Variants in SV2B observed in about 807,000 individuals in gnomAD.
The protein encoded by SV2B is solute carrier family 22 member B2.
In SV2B, 41 loss-of-function variants were observed where a neutral mutation model predicts 73.9. The observed-to-expected ratio is 0.56, with a 90% confidence interval of 0.43 to 0.72. The LOEUF is 0.72. SV2B is among the 30% of genes least tolerant of loss of function. The pLI is 0.00. For synonymous variants in SV2B, 314 were observed against 314.2 expected (o/e 1.00, Z 0.01); for missense variants, 764 against 857.8 (o/e 0.89, Z 1.37).
At chr15:91,292,057 G>A (rs1338356133) in intron 12 of SV2B, among the ~76,000 whole-genome samples, 4 of 151,336 alleles carry the variant, frequency 2.6e-5, no homozygotes, top group African/African-American at 9.7e-5. Flanking sequence ...TCCATAGTAA[G>A]CATGTAGTAC....
rs1041121000 is a variant in SV2B, at chr15:91,283,579, G to A, written c.1508-442G>A. On this transcript the variant is annotated intron_variant, in intron 10 of 12. Transcript: ENST00000394232. This position sits in a 1 kb window ranked among gnomAD's most constrained non-coding sequence, Gnocchi z 4.3. ...GGTGCCAGAGTAGCTGGGACTACAG[G>A]CACACACCACCCCACCTAGCTAATT... 6.6e-6 allele frequency among the ~76,000 whole-genome samples: 1 copy of A among 152,042 alleles called. No homozygotes were observed. Among genetic ancestry groups the A allele is most frequent in the African/African-American group, 2.4e-5 (1 of 41,404 alleles).
Position 91,197,579 on chromosome 15 carries a change from C to CA in SV2B, c.-391-28290dup, listed in dbSNP as rs2045297685. 1.3e-5 allele frequency among the ~76,000 whole-genome samples: 2 copies of CA among 151,356 alleles called. No individual in the cohort carries two copies. The highest frequency in any genetic ancestry group is 4.9e-5 in the African/African-American group (2 of 41,116). ...CCAAACCAAACCAAACAAAACAAAA[C>CA]AAAATCACTGTAAAGACAAGAATGG... On this transcript the variant is annotated intron_variant, in intron 1 of 12. Transcript: ENST00000394232. This position sits in a 1 kb window ranked among gnomAD's most constrained non-coding sequence, Gnocchi z 4.9.
At position 91,266,696 on chromosome 15, in the gene SV2B, T is replaced by A; in HGVS notation, c.1119+4T>A. On this transcript the variant is annotated splice_donor_region_variant and intron_variant, in intron 7 of 12. Coordinates refer to ENST00000394232, the MANE Select transcript of SV2B (RefSeq NM_001323032.3). ...ATTCAAGACCATTTTCAAGCAGGTA[T>A]GATTGGGAACTTACTTTGGATGAGG... 6.2e-7 allele frequency: 1 copy of A among 1,610,364 alleles called. No individual in the cohort carries two copies. The highest frequency in any genetic ancestry group is 8.5e-7 in the Non-Finnish European group (1 of 1,177,526).
At chr15:91,144,372 T>C (rs893004322) in intron 1 of SV2B, among the ~76,000 whole-genome samples, 4 of 152,200 alleles carry the variant, frequency 2.6e-5, no homozygotes, top group African/African-American at 9.7e-5. Context: ...TTGGGTAACA[T>C]GCTGCCCAAT....
chr15:91,279,817 C>A (rs531254847), intron 9 of SV2B, among the ~76,000 whole-genome samples: 32 of 152,220 alleles, frequency 2.1e-4, no homozygotes, highest in Non-Finnish European at 3.2e-4. Flanking sequence ...GTAAACACGT[C>A]TAGCTTATAC....
chr15:91,235,102 T>C (rs371788713), intron 2 of SV2B, among the ~76,000 whole-genome samples: 4 of 152,188 alleles, frequency 2.6e-5, no homozygotes, highest in South Asian at 2.1e-4. Flanking sequence ...GAAAGGATCA[T>C]TGAGGAGAGA....
At position 91,294,874 on chromosome 15, in the gene SV2B, C is replaced by T. The variant is rs572776524; in HGVS notation, c.*2322C>T. The T allele has an allele frequency of 6.5e-6, 1 of 152,744 alleles. No individual in the cohort carries two copies. Among genetic ancestry groups the T allele is most frequent in the African/African-American group, 2.4e-5 (1 of 41,580 alleles). The allele number at this position is 152,744 out of a possible 1,614,324, so 9.5% of individuals were successfully genotyped here. A position where few individuals can be genotyped will look rare whatever the true frequency, so the allele number is the denominator to read the frequency against. On this transcript the variant is annotated 3_prime_UTR_variant, in exon 13 of 13. Transcript: ENST00000394232. The surrounding 1 kb of genome is among the most constrained non-coding windows in gnomAD (Gnocchi z 4.1). ...CACCTAGCCAATCAAGGGCAATTCC[C>T]ATCTCATCCATCACTCAGGTCTTTG...
At chr15:91,246,950 T>C (rs957759906) in intron 2 of SV2B, among the ~76,000 whole-genome samples, 1 of 152,240 alleles carries the variant, frequency 6.6e-6, no homozygotes, top group African/African-American at 2.4e-5. Context: ...TCCACTGCAC[T>C]CTAATTTTCC....
chr15:91,177,224 G>C (rs1424680650), intron 1 of SV2B, among the ~76,000 whole-genome samples: 1 of 151,856 alleles, frequency 6.6e-6, no homozygotes, highest in East Asian at 1.9e-4. Context: ...TTATTTCTGA[G>C]GGCTCTGTTC....
At position 91,224,533 on chromosome 15, in the gene SV2B, G is replaced by A. The variant is rs1022978297; in HGVS notation, c.-391-1340G>A. Among the ~76,000 whole-genome samples, 2 of 152,148 alleles carry A rather than the reference G, an allele frequency of 1.3e-5. No homozygotes were observed. The highest frequency in any genetic ancestry group is 2.4e-5 in the African/African-American group (1 of 41,424). ...GCTTGAAGCAGCCCTTCTTCATTACGCTCTGGGAATCTGTATTTTTAAAGC... is the reference window on the plus strand; with the variant it reads ...GCTTGAAGCAGCCCTTCTTCATTACACTCTGGGAATCTGTATTTTTAAAGC... On this transcript the variant is annotated intron_variant, in intron 1 of 12. Coordinates refer to ENST00000394232, the MANE Select transcript of SV2B (RefSeq NM_001323032.3). The surrounding 1 kb of genome is among the most constrained non-coding windows in gnomAD (Gnocchi z 4.9).
Position 91,284,061 on chromosome 15 carries a change from C to T in SV2B, c.1548C>T (p.Asn516=), listed in dbSNP as rs1368938730. The T allele has an allele frequency of 2.5e-6, 4 of 1,614,200 alleles. No individual in the cohort carries two copies. The highest frequency in any genetic ancestry group is 2.5e-6 in the Non-Finnish European group (3 of 1,180,048). The change falls in exon 11 of 13, where the codon AAC becomes AAT. Residue 516 remains asparagine, a synonymous_variant. Coordinates refer to ENST00000394232, the MANE Select transcript of SV2B (RefSeq NM_001323032.3). This position sits in a 1 kb window ranked among gnomAD's most constrained non-coding sequence, Gnocchi z 4.5. ...EHKFINCRFI[N]STFLEQKEGC... ...AGTTCATCAACTGTCGGTTTATCAA[C>T]TCCACCTTCCTGGAGCAGAAGGAGG...
rs1157237481 is a variant in SV2B at position 91,297,876 on chromosome 15, A to G, written c.*5324A>G. On this transcript the variant is annotated 3_prime_UTR_variant, in exon 13 of 13. Coordinates refer to ENST00000394232, the MANE Select transcript of SV2B (RefSeq NM_001323032.3). This position sits in a 1 kb window ranked among gnomAD's most constrained non-coding sequence, Gnocchi z 5.1. ...TGTGTCTGGTTGCAGGGCTTGAAGT[A>G]TTTCGGAAGCTCAGCAGAGGTTGAA... The G allele has an allele frequency of 6.6e-6, 1 of 152,210 alleles. No individual in the cohort carries two copies. Among genetic ancestry groups the G allele is most frequent in the East Asian group, 1.9e-4 (1 of 5,204 alleles). The allele number at this position is 152,210 out of a possible 1,614,324, so 9.4% of individuals were successfully genotyped here.
chr15:91,172,327 G>A (rs985077905), intron 1 of SV2B, among the ~76,000 whole-genome samples: 2 of 152,166 alleles, frequency 1.3e-5, no homozygotes, highest in African/African-American at 4.8e-5. Flanking sequence ...ACCCTTCCCA[G>A]TGTGGACACT....
chr15:91,166,621 C>G (rs879803704), intron 1 of SV2B, among the ~76,000 whole-genome samples: 1 of 151,824 alleles, frequency 6.6e-6, no homozygotes, highest in Non-Finnish European at 1.5e-5. Flanking sequence ...CCATAGGTCC[C>G]GAATCTGTAT....
rs1172274201 is a variant in SV2B, at chr15:91,110,956, G to A, written c.-392+10593G>A. The stretch of plus-strand genomic sequence containing the variant: ...AAGGCAAAGAAGAGAAACTCAAATG[G>A]GACAATGGAGAAGTAGATGAGAAAG... On this transcript the variant is annotated intron_variant, in intron 1 of 12. Transcript: ENST00000394232. The surrounding 1 kb of genome is among the most constrained non-coding windows in gnomAD (Gnocchi z 5.4). Among the ~76,000 whole-genome samples, 1 of 152,168 alleles carries A rather than the reference G, an allele frequency of 6.6e-6. No individual in the cohort carries two copies. Among genetic ancestry groups the A allele is most frequent in the African/African-American group, 2.4e-5 (1 of 41,430 alleles).
At chr15:91,152,556 C>A (rs554892686) in intron 1 of SV2B, among the ~76,000 whole-genome samples, 16 of 152,200 alleles carry the variant, frequency 1.1e-4, no homozygotes, top group Admixed American at 5.2e-4. Flanking sequence ...TTAATCACTG[C>A]CATAACAGGA....
intron 1 of SV2B, among the ~76,000 whole-genome samples, chr15:91,181,627 G>GCT (rs1289787591): frequency 1.3e-5 from 2 of 151,596 alleles, no homozygotes; most frequent in South Asian, 2.1e-4. Flanking sequence ...TTTGACAAAC[G>GCT]TTTTTGTTTT....
At chr15:91,116,872 A>G (rs1372461753) in intron 1 of SV2B, among the ~76,000 whole-genome samples, 2 of 152,268 alleles carry the variant, frequency 1.3e-5, no homozygotes, top group East Asian at 3.8e-4. Context: ...ACATGGCGGC[A>G]GGCAAGAGAC....
At position 91,106,311 on chromosome 15, in the gene SV2B, G is replaced by C. The variant is rs1409920512; in HGVS notation, c.-392+5948G>C. 1.3e-5 allele frequency among the ~76,000 whole-genome samples: 2 copies of C among 152,170 alleles called. No individual in the cohort carries two copies. The highest frequency in any genetic ancestry group is 1.5e-5 in the Non-Finnish European group (1 of 68,030). ...GGAAGAGTTTCAGGAAGGAGACATA[G>C]GTTTGAGTATCATTAGCATGTTATT... On this transcript the variant is annotated intron_variant, in intron 1 of 12. Transcript: ENST00000394232. The surrounding 1 kb of genome is among the most constrained non-coding windows in gnomAD (Gnocchi z 4.4).
Sources: allele counts gnomAD v4.1 joint callset (sites outside exome capture counted in the v4.1 genomes callset), GRCh38; gene constraint gnomAD v4.1.1; non-coding constraint Gnocchi (gnomAD v3.1); transcripts MANE v1.5; gene names NCBI Gene and HGNC (gene_info 2026-07-23, HGNC 2026-07-21).